TENM2: variants seen among roughly 807,000 people sequenced by gnomAD.
The protein encoded by TENM2 is teneurin-2.
In TENM2, 52 loss-of-function variants were observed where a neutral mutation model predicts 245.2. That is an observed-to-expected ratio of 0.21 (90% CI 0.17 to 0.27). The LOEUF (loss-of-function observed/expected upper bound fraction) is 0.27, where lower values mean the gene tolerates loss of function less well. Among genes scored for constraint, TENM2 ranks in the 10% least tolerant of loss-of-function variants. TENM2 has a pLI of 1.00. For missense variants in TENM2, 3,046 were observed against 3,666.8 expected (o/e 0.83, Z 4.37); for synonymous variants, 1,363 against 1,438.9 (o/e 0.95, Z 1.19).
the TENM2 span, among the ~76,000 whole-genome samples, chr5:167,231,631 A>T: frequency 6.6e-6 from 1 of 152,200 alleles, no homozygotes; most frequent in East Asian, 1.9e-4. Context: ...TCACAAAGAT[A>T]AGGTTTGGAA....
intron 2 of TENM2, among the ~76,000 whole-genome samples, chr5:167,542,988 C>T (rs1348334071): frequency 2.6e-5 from 4 of 152,136 alleles, no homozygotes; most frequent in African/African-American, 9.7e-5. Context: ...TGGTTCTCAA[C>T]GTGTAATCAC....
chr5:167,047,821 C>T, the TENM2 span, among the ~76,000 whole-genome samples: 1 of 152,092 alleles, frequency 6.6e-6, no homozygotes, highest in Non-Finnish European at 1.5e-5. Flanking sequence ...TGTAGGATTG[C>T]CTTGTTTTTG....
intron 2 of TENM2, among the ~76,000 whole-genome samples, chr5:167,832,703 G>A (rs1337344855): frequency 6.6e-6 from 1 of 151,878 alleles, no homozygotes; most frequent in Non-Finnish European, 1.5e-5. Flanking sequence ...GAGAGAGAGG[G>A]AAAGGAGGGA....
chr5:167,926,765 A>C (rs956298918), intron 3 of TENM2, among the ~76,000 whole-genome samples: 4 of 128,690 alleles, frequency 3.1e-5, no homozygotes, highest in African/African-American at 6.0e-5. Context: ...CACACACACA[A>C]GACCTTAGTG....
At chr5:168,036,496 C>T (rs935932335) in intron 5 of TENM2, among the ~76,000 whole-genome samples, 7 of 151,718 alleles carry the variant, frequency 4.6e-5, no homozygotes, top group Non-Finnish European at 1.0e-4. Context: ...ATTAGCTGGG[C>T]ATGGTGGTGG....
intron 2 of TENM2, among the ~76,000 whole-genome samples, chr5:167,459,505 TATATACCCCCAAATGGGA>T (rs1766146659): frequency 6.6e-6 from 1 of 152,194 alleles, no homozygotes; most frequent in Admixed American, 6.5e-5. Context: ...TCCTTTGGGG[TATATACCCCCAAATGGGA>T]TTACCAGACC....
intron 2 of TENM2, among the ~76,000 whole-genome samples, chr5:167,379,140 G>C (rs1246025122): frequency 6.6e-6 from 1 of 152,098 alleles, no homozygotes; most frequent in African/African-American, 2.4e-5. Flanking sequence ...TGTACTTTGA[G>C]GTTGAGATAT....
intron 2 of TENM2, among the ~76,000 whole-genome samples, chr5:167,827,634 G>GGGA (rs1554126514): frequency 8.7e-6 from 1 of 114,814 alleles, no homozygotes; most frequent in African/African-American, 3.2e-5. Context: ...TGGGCGGGGG[G>GGGA]GGGGGAACAG....
rs772045503 is a variant in TENM2 at position 168,218,531 on chromosome 5, C to G, written c.4640C>G (p.Ser1547Ter). 6.2e-7 allele frequency: 1 copy of G among 1,614,048 alleles called. No homozygotes were observed. Among genetic ancestry groups the G allele is most frequent in the Non-Finnish European group, 8.5e-7 (1 of 1,179,904 alleles). ...ACTGATGCCATCTTGAATTCCCCAT[C>G]ATCCTTAGCTGTAGCTCCAGATGGT... is the stretch of plus-strand genomic sequence containing the variant. The change falls in exon 23 of 29, where the codon TCA becomes TGA. Residue 1547 changes from serine (S) to a stop codon, truncating the protein, a stop_gained. Coordinates refer to ENST00000518659, the Ensembl canonical transcript of TENM2. LOFTEE classifies it high-confidence loss of function. The surrounding 1 kb of genome is among the most constrained non-coding windows in gnomAD (Gnocchi z 5.2).
At chr5:168,122,366 C>A (rs1449751852) in intron 10 of TENM2, among the ~76,000 whole-genome samples, 1 of 152,052 alleles carries the variant, frequency 6.6e-6, no homozygotes. Context: ...TTAGTAGAGA[C>A]AGAGTTTCAC....
At chr5:168,118,422 C>T (rs770176117) in exon 10 of TENM2, 30 of 1,610,486 alleles carry the variant, frequency 1.9e-5, no homozygotes, top group African/African-American at 2.7e-5. Context: ...GCGGGGGCCA[C>T]GGCTCCTGCA....
At chr5:167,794,602 T>C (rs1271115527) in intron 2 of TENM2, among the ~76,000 whole-genome samples, 1 of 152,084 alleles carries the variant, frequency 6.6e-6, no homozygotes, top group African/African-American at 2.4e-5. Flanking sequence ...CTGGAAGAGT[T>C]TGAAGGAAGG....
the TENM2 span, among the ~76,000 whole-genome samples, chr5:167,045,704 G>T: frequency 6.6e-6 from 1 of 152,182 alleles, no homozygotes; most frequent in East Asian, 1.9e-4. Flanking sequence ...TCACTCAACT[G>T]GTTTGCATTA....
In TENM2 at chr5:167,640,886, T is replaced by TCC. The variant is rs1448070766; in HGVS notation, c.503-235100_503-235099insCC. Among the ~76,000 whole-genome samples the TCC allele has an allele frequency of 5.7e-4, 43 of 75,898 alleles. 2 individuals carry two copies. Among genetic ancestry groups the TCC allele is most frequent in the Non-Finnish European group, 8.0e-4 (32 of 40,114 alleles). 49.8% of individuals were successfully genotyped at this position (75,898 alleles called of 152,430 possible). A position where few individuals can be genotyped will look rare whatever the true frequency, so the allele number is the denominator to read the frequency against. The stretch of plus-strand genomic sequence containing the variant: ...ATATATATATATATATATATATATA[T>TCC]ATATATATATATATATATATCTTTC... On this transcript the variant is annotated intron_variant, in intron 2 of 28. Transcript: ENST00000518659.
upstream of TENM2, among the ~76,000 whole-genome samples, chr5:167,284,585 G>T (rs1234612416): frequency 6.6e-6 from 1 of 152,134 alleles, no homozygotes; most frequent in Non-Finnish European, 1.5e-5. Flanking sequence ...TTAATTTACT[G>T]TATCGAGTTC....
chr5:166,979,782 CAG>C, the TENM2 span, among the ~76,000 whole-genome samples: 7 of 31,186 alleles, frequency 2.2e-4, no homozygotes, highest in African/African-American at 7.5e-4. Context: ...GCATGAGTTT[CAG>C]GGGGGGAGGG....
chr5:167,329,129 C>T (rs1257827782), intron 1 of TENM2, among the ~76,000 whole-genome samples: 1 of 152,102 alleles, frequency 6.6e-6, no homozygotes, highest in Admixed American at 6.5e-5. Flanking sequence ...GCAACAACAA[C>T]CCCTGTGGGA....
chr5:167,286,317 A>T (rs1030653900), intron 1 of TENM2, among the ~76,000 whole-genome samples: 5 of 152,224 alleles, frequency 3.3e-5, no homozygotes, highest in Non-Finnish European at 7.3e-5. Context: ...TAAATGAAAC[A>T]CATGCTGATC....
At chr5:167,645,884 A>G (rs1353548984) in intron 2 of TENM2, among the ~76,000 whole-genome samples, 1 of 151,890 alleles carries the variant, frequency 6.6e-6, no homozygotes, top group African/African-American at 2.4e-5. Flanking sequence ...TAGTTCTTCC[A>G]ATCCTAATTA....
Sources: allele counts gnomAD v4.1 joint callset (sites outside exome capture counted in the v4.1 genomes callset), GRCh38; gene constraint gnomAD v4.1.1; non-coding constraint Gnocchi (gnomAD v3.1); transcripts MANE v1.5; gene names NCBI Gene and HGNC (gene_info 2026-07-23, HGNC 2026-07-21).